Variants in PDZRN4 observed in about 807,000 individuals in gnomAD.
PDZRN4 encodes PDZ domain-containing RING finger protein 4.
PDZRN4 carries 70 observed loss-of-function variants against 99.0 expected under a neutral mutation model. The ratio of observed to expected loss-of-function variants is 0.71; its 90% CI spans 0.58 to 0.86. PDZRN4 has a LOEUF of 0.86. Among genes scored for constraint, PDZRN4 ranks in the 40% least tolerant of loss-of-function variants. The pLI is 0.00. For missense variants in PDZRN4, 1,474 were observed against 1,331.2 expected (o/e 1.11, Z -1.67); for synonymous variants, 551 against 501.6 (o/e 1.10, Z -1.32).
intron 3 of PDZRN4, among the ~76,000 whole-genome samples, chr12:41,466,748 A>AGT (rs1168337321): frequency 9.6e-6 from 1 of 104,026 alleles, no homozygotes; most frequent in African/African-American, 4.9e-5. Context: ...TTATATTTCC[A>AGT]GTGTTTTTTT....
At chr12:41,472,923 G>T (rs1369656749) in intron 3 of PDZRN4, among the ~76,000 whole-genome samples, 2 of 152,154 alleles carry the variant, frequency 1.3e-5, no homozygotes, top group African/African-American at 4.8e-5. Flanking sequence ...CAACCAAAAT[G>T]TTAAAGTATT....
intron 9 of PDZRN4, among the ~76,000 whole-genome samples, chr12:41,571,335 GTC>G (rs752003607): frequency 0.01 from 1,062 of 101,152 alleles, 11 homozygotes; most frequent in African/African-American, 0.016. Context: ...AATTACCAGA[GTC>G]TCTCTCTCTC....
chr12:41,517,946 A>G (rs1938431074), intron 5 of PDZRN4, among the ~76,000 whole-genome samples: 1 of 152,118 alleles, frequency 6.6e-6, no homozygotes. Context: ...GCTCATATAC[A>G]TTTACCAATT....
At chr12:41,509,570 A>G in intron 4 of PDZRN4, 1 of 288,354 alleles carries the variant, frequency 3.5e-6, no homozygotes, top group Non-Finnish European at 6.5e-6. Flanking sequence ...TTTCCACAGA[A>G]TACAACTCTG....
intron 7 of PDZRN4, among the ~76,000 whole-genome samples, 163 bp from the exon 8 acceptor site, chr12:41,563,385 C>A (rs551554987): frequency 1.3e-5 from 2 of 152,038 alleles, no homozygotes; most frequent in South Asian, 2.1e-4. Context: ...TTACAGTAAG[C>A]GCGTAATTGA....
intron 3 of PDZRN4, among the ~76,000 whole-genome samples, chr12:41,292,566 T>G (rs1951463458): frequency 6.6e-6 from 1 of 152,154 alleles, no homozygotes; most frequent in Non-Finnish European, 1.5e-5. Context: ...TTGCCACTCG[T>G]TTGGGTAGAA....
At chr12:41,316,172 C>G (rs545898221) in intron 3 of PDZRN4, among the ~76,000 whole-genome samples, 1 of 151,976 alleles carries the variant, frequency 6.6e-6, no homozygotes, top group Non-Finnish European at 1.5e-5. Context: ...TCCTGATATT[C>G]GTACCTAGTG....
intron 3 of PDZRN4, among the ~76,000 whole-genome samples, chr12:41,333,979 C>A (rs771898529): frequency 6.6e-5 from 10 of 152,090 alleles, no homozygotes; most frequent in Non-Finnish European, 1.5e-4. Context: ...GCAAAATTTT[C>A]CTCTCTTTCT....
chr12:41,416,723 G>T (rs923255138), intron 3 of PDZRN4, among the ~76,000 whole-genome samples: 3 of 152,100 alleles, frequency 2.0e-5, no homozygotes, highest in African/African-American at 7.2e-5. Context: ...TAGAAATTTG[G>T]ACAGATTTAG....
intron 5 of PDZRN4, among the ~76,000 whole-genome samples, chr12:41,510,211 G>A (rs1278226129): frequency 3.3e-5 from 5 of 152,060 alleles, no homozygotes; most frequent in African/African-American, 2.4e-5. Context: ...GGATTTCCAA[G>A]TGGAGTTTGA....
intron 3 of PDZRN4, among the ~76,000 whole-genome samples, chr12:41,221,154 G>T (rs997153224): frequency 2.6e-5 from 4 of 152,182 alleles, no homozygotes; most frequent in African/African-American, 9.7e-5. Context: ...TCCTTGGAGA[G>T]GGGCTACCCA....
chr12:41,469,709 A>C (rs1252450857), intron 3 of PDZRN4, among the ~76,000 whole-genome samples: 1 of 152,122 alleles, frequency 6.6e-6, no homozygotes, highest in African/African-American at 2.4e-5. Flanking sequence ...AGGGGGGCCG[A>C]TCACGAGGTC....
intron 3 of PDZRN4, among the ~76,000 whole-genome samples, chr12:41,310,015 C>T (rs1951596205): frequency 6.6e-6 from 1 of 152,056 alleles, no homozygotes; most frequent in Non-Finnish European, 1.5e-5. Flanking sequence ...TCACTGCAAC[C>T]TCTGTCTCCT....
At chr12:41,412,456 A>T (rs1032984351) in intron 3 of PDZRN4, 3 of 114,402 alleles carry the variant, frequency 2.6e-5, no homozygotes, top group African/African-American at 1.1e-4. Flanking sequence ...CATTTTGGGT[A>T]ATCATGTGCC....
At chr12:41,542,822 T>C (rs770461521) in intron 5 of PDZRN4, among the ~76,000 whole-genome samples, 2 of 152,206 alleles carry the variant, frequency 1.3e-5, no homozygotes, top group Non-Finnish European at 2.9e-5. Flanking sequence ...TATGTTTTTT[T>C]TTCTAAAAAA....
At chr12:41,456,526 A>C (rs747886237) in intron 3 of PDZRN4, among the ~76,000 whole-genome samples, 2 of 152,192 alleles carry the variant, frequency 1.3e-5, no homozygotes, top group African/African-American at 2.4e-5. Flanking sequence ...TTTCTATATT[A>C]ATAAAATTAG....
At chr12:41,304,434 A>G (rs2120936519) in intron 3 of PDZRN4, among the ~76,000 whole-genome samples, 1 of 152,260 alleles carries the variant, frequency 6.6e-6, no homozygotes, top group Middle Eastern at 3.4e-3. Flanking sequence ...ATCTTCACCT[A>G]TGAAGCTTTT....
intron 3 of PDZRN4, among the ~76,000 whole-genome samples, chr12:41,320,085 C>T (rs1951665106): frequency 6.6e-6 from 1 of 152,232 alleles, no homozygotes; most frequent in Non-Finnish European, 1.5e-5. Context: ...AGCTGCTGTC[C>T]CAGTACCTGC....
intron 3 of PDZRN4, among the ~76,000 whole-genome samples, chr12:41,464,820 C>CTTTTTTTTTTT (rs5797739): frequency 2.9e-5 from 3 of 104,840 alleles, no homozygotes; most frequent in Non-Finnish European, 5.7e-5. Context: ...GCCTGTTGTA[C>CTTTTTTTTTTT]TTTTTTTTTT....
Sources: allele counts gnomAD v4.1 joint callset (sites outside exome capture counted in the v4.1 genomes callset), GRCh38; gene constraint gnomAD v4.1.1; transcripts MANE v1.5; gene names NCBI Gene and HGNC (gene_info 2026-07-23, HGNC 2026-07-21).